PPARGC1A: variants seen among roughly 807,000 people sequenced by gnomAD.
The protein encoded by PPARGC1A is PPARG coactivator 1 alpha, also known as peroxisome proliferator-activated receptor gamma coactivator 1-alpha.
In PPARGC1A, 25 loss-of-function variants were observed where a neutral mutation model predicts 88.7. The ratio of observed to expected loss-of-function variants is 0.28; its 90% confidence interval spans 0.21 to 0.39. The LOEUF (loss-of-function observed/expected upper bound fraction) is 0.39, where lower values mean the gene tolerates loss of function less well. PPARGC1A is among the 10% of genes least tolerant of loss of function. The pLI is 1.00. For missense variants in PPARGC1A, 880 were observed against 968.7 expected (o/e 0.91, Z 1.22); for synonymous variants, 363 against 355.6 (o/e 1.02, Z -0.24).
At chr4:24,161,424 G>C in the PPARGC1A span, among the ~76,000 whole-genome samples, 1 of 152,124 alleles carries the variant, frequency 6.6e-6, no homozygotes. Context: ...TTTGGATTCA[G>C]ATACCAAGTC....
At chr4:23,938,882 AACAAAGGTTGGTC>A in the PPARGC1A span, among the ~76,000 whole-genome samples, 100 of 152,290 alleles carry the variant, frequency 6.6e-4, no homozygotes, top group African/African-American at 2.3e-3. Context: ...TCTGCTGCCC[AACAAAGGTTGGTC>A]ACTGGTGGCC....
chr4:24,327,361 C>T, the PPARGC1A span, among the ~76,000 whole-genome samples: 2 of 152,174 alleles, frequency 1.3e-5, no homozygotes, highest in Non-Finnish European at 2.9e-5. Flanking sequence ...TTTCTCCAAG[C>T]CTTCACAGCT....
chr4:23,877,124 T>C (rs2148801970), intron 2 of PPARGC1A, among the ~76,000 whole-genome samples: 1 of 152,248 alleles, frequency 6.6e-6, no homozygotes, highest in African/African-American at 2.4e-5. Context: ...TGTATTTCAT[T>C]GTGGATCTCT....
the PPARGC1A span, among the ~76,000 whole-genome samples, chr4:24,358,332 A>G: frequency 6.6e-6 from 1 of 152,222 alleles, no homozygotes; most frequent in Non-Finnish European, 1.5e-5. Flanking sequence ...ATTAGGTACT[A>G]TCACTATCTC....
At chr4:24,267,851 A>C in the PPARGC1A span, among the ~76,000 whole-genome samples, 1 of 152,172 alleles carries the variant, frequency 6.6e-6, no homozygotes, top group Admixed American at 6.5e-5. Context: ...GCACCTACTT[A>C]CTGTCTTGTA....
the PPARGC1A span, among the ~76,000 whole-genome samples, chr4:23,942,350 T>C: frequency 6.6e-6 from 1 of 152,188 alleles, no homozygotes; most frequent in Non-Finnish European, 1.5e-5. Flanking sequence ...ATCTAAATGA[T>C]TCCCAATATT....
chr4:23,909,862 G>A, the PPARGC1A span, among the ~76,000 whole-genome samples: 2 of 151,556 alleles, frequency 1.3e-5, no homozygotes, highest in South Asian at 4.2e-4. Context: ...AAAAGTCCTA[G>A]TGACAAATGA....
At chr4:24,062,208 T>C in the PPARGC1A span, among the ~76,000 whole-genome samples, 1 of 152,220 alleles carries the variant, frequency 6.6e-6, no homozygotes, top group Non-Finnish European at 1.5e-5. Flanking sequence ...TCCCTAGTAG[T>C]ACTCAGGATG....
chr4:24,072,053 G>A, the PPARGC1A span, among the ~76,000 whole-genome samples: 1 of 150,584 alleles, frequency 6.6e-6, no homozygotes, highest in South Asian at 2.1e-4. Flanking sequence ...GCTCAAAATG[G>A]AAAGAGGTGG....
chr4:24,050,694 T>C, the PPARGC1A span, among the ~76,000 whole-genome samples: 2 of 152,194 alleles, frequency 1.3e-5, no homozygotes, highest in Non-Finnish European at 2.9e-5. Flanking sequence ...TCCAATTCTG[T>C]TGCTTCAAGG....
chr4:24,470,895 T>C, the PPARGC1A span, among the ~76,000 whole-genome samples: 1 of 151,698 alleles, frequency 6.6e-6, no homozygotes, highest in South Asian at 2.1e-4. This position sits in a 1 kb window ranked among gnomAD's most constrained non-coding sequence, Gnocchi z 5.8. Flanking sequence ...GCTAGTAGTT[T>C]GGCGATTTGT....
chr4:23,829,195 C>T (rs950380792), intron 4 of PPARGC1A, among the ~76,000 whole-genome samples: 1 of 152,190 alleles, frequency 6.6e-6, no homozygotes, highest in Non-Finnish European at 1.5e-5. Context: ...CCGTGGCCCA[C>T]AATGCTGCAG....
chr4:24,398,443 GTCT>G, the PPARGC1A span, among the ~76,000 whole-genome samples: 5 of 152,012 alleles, frequency 3.3e-5, no homozygotes, highest in Admixed American at 6.5e-5. Context: ...GTTATACTTG[GTCT>G]TCTTTTAAAT....
chr4:24,290,977 G>A, the PPARGC1A span, among the ~76,000 whole-genome samples: 54 of 152,194 alleles, frequency 3.5e-4, no homozygotes, highest in African/African-American at 1.2e-3. Flanking sequence ...ATATTGGTTC[G>A]ATTCTACTTT....
At chr4:24,016,997 G>A in the PPARGC1A span, among the ~76,000 whole-genome samples, 1 of 152,166 alleles carries the variant, frequency 6.6e-6, no homozygotes, top group Non-Finnish European at 1.5e-5. Flanking sequence ...GGAAGGAAGA[G>A]AACAGAGATA....
chr4:24,470,944 G>C, the PPARGC1A span, among the ~76,000 whole-genome samples: 1 of 151,762 alleles, frequency 6.6e-6, no homozygotes, highest in African/African-American at 2.4e-5. The surrounding 1 kb of genome is among the most constrained non-coding windows in gnomAD (Gnocchi z 5.8). Flanking sequence ...CGGCGGCGGC[G>C]AACATTTTTC....
the PPARGC1A span, among the ~76,000 whole-genome samples, chr4:24,063,568 C>T: frequency 0.031 from 4,724 of 152,136 alleles, 88 homozygotes; most frequent in South Asian, 0.08. Flanking sequence ...AGGTTCCTAG[C>T]GATAAATATT....
At chr4:24,057,114 A>G in the PPARGC1A span, among the ~76,000 whole-genome samples, 2 of 152,258 alleles carry the variant, frequency 1.3e-5, no homozygotes, top group African/African-American at 4.8e-5. Context: ...AATATTATTT[A>G]GCCTTAAAAA....
the PPARGC1A span, among the ~76,000 whole-genome samples, chr4:24,036,310 A>G: frequency 2.0e-5 from 3 of 152,216 alleles, no homozygotes; most frequent in Non-Finnish European, 4.4e-5. Flanking sequence ...AAATAATTTC[A>G]ACCACTGTGC....
Sources: allele counts gnomAD v4.1 joint callset (sites outside exome capture counted in the v4.1 genomes callset), GRCh38; gene constraint gnomAD v4.1.1; non-coding constraint Gnocchi (gnomAD v3.1); transcripts MANE v1.5; gene names NCBI Gene and HGNC (gene_info 2026-07-23, HGNC 2026-07-21).